The following CDC42BPB variants were observed in gnomAD, a reference collection of about 807,000 sequenced individuals.
CDC42BPB encodes the protein serine/threonine-protein kinase MRCK beta.
Under a neutral mutation model 214.9 loss-of-function variants are expected in CDC42BPB, and 37 were observed. That is an observed-to-expected ratio of 0.17 (90% CI 0.13 to 0.23). The LOEUF is 0.23. CDC42BPB is among the 10% of genes least tolerant of loss of function. The pLI, the probability that CDC42BPB is intolerant of heterozygous loss-of-function variation, is 1.00. For missense variants in CDC42BPB, 1,694 were observed against 2,227.0 expected (o/e 0.76, Z 4.82); for synonymous variants, 931 against 884.0 (o/e 1.05, Z -0.94).
chr14:103,044,649 G>A (rs1452886297), intron 1 of CDC42BPB, among the ~76,000 whole-genome samples: 4 of 151,882 alleles, frequency 2.6e-5, no homozygotes, highest in Non-Finnish European at 5.9e-5. Flanking sequence ...GATTACGGGC[G>A]TGAGCCACCA....
chr14:102,936,067 C>T (rs1231528231), intron 36 of CDC42BPB, among the ~76,000 whole-genome samples: 1 of 152,178 alleles, frequency 6.6e-6, no homozygotes, highest in Non-Finnish European at 1.5e-5. Context: ...TTCATAGCCA[C>T]CAGGACGACT....
chr14:103,044,121 G>C (rs1397746522), intron 1 of CDC42BPB, among the ~76,000 whole-genome samples: 1 of 152,142 alleles, frequency 6.6e-6, no homozygotes, highest in Non-Finnish European at 1.5e-5. Context: ...TCATTTTAAA[G>C]GTACATCAGA....
At position 102,946,566 on chromosome 14, in the gene CDC42BPB, T is replaced by A. The variant is rs1187897758; in HGVS notation, c.3650A>T (p.His1217Leu). 6.2e-7 allele frequency: 1 copy of A among 1,612,842 alleles called. No homozygotes were observed. The highest frequency in any genetic ancestry group is 1.6e-4 in the Middle Eastern group (1 of 6,062). ...GILEGLQSIL[H>L]KNRLRNQVVH... ...GACCTGATTCCTCAGCCGGTTTTTATGAAGGATGGACTGGAGTCCTTCTAG... is the reference window on the plus strand; with the variant it reads ...GACCTGATTCCTCAGCCGGTTTTTAAGAAGGATGGACTGGAGTCCTTCTAG... The change falls in exon 28 of 37, where the codon CAT becomes CTT. Residue 1217 changes from histidine (H) to leucine (L), a missense_variant. Physicochemically the swap from His to Leu is moderately conservative, Grantham distance 99 (BLOSUM62 -3). Transcript: ENST00000361246.
At chr14:103,052,498 C>T (rs905887579) in intron 1 of CDC42BPB, among the ~76,000 whole-genome samples, 5 of 152,114 alleles carry the variant, frequency 3.3e-5, no homozygotes, top group African/African-American at 4.8e-5. Flanking sequence ...TTATTAAATT[C>T]GGTGGCATCA....
At chr14:102,999,874 C>T (rs1457311838) in intron 4 of CDC42BPB, 161 bp from the exon 5 acceptor site, 7 of 985,420 alleles carry the variant, frequency 7.1e-6, no homozygotes, top group Middle Eastern at 5.2e-4. Flanking sequence ...CTGGAACATG[C>T]GCCCCGATGC....
At chr14:102,971,592 G>A (rs1024753606) in intron 13 of CDC42BPB, among the ~76,000 whole-genome samples, 2 of 152,222 alleles carry the variant, frequency 1.3e-5, no homozygotes, top group Non-Finnish European at 2.9e-5. Flanking sequence ...TGCCCGGCCC[G>A]TGATTTGCCT....
At chr14:103,019,920 G>C (rs149882365) in intron 1 of CDC42BPB, among the ~76,000 whole-genome samples, 30 of 152,326 alleles carry the variant, frequency 2.0e-4, no homozygotes, top group Non-Finnish European at 3.5e-4. Context: ...TTGCCAAGAA[G>C]AACTGCAGGC....
intron 1 of CDC42BPB, among the ~76,000 whole-genome samples, chr14:103,043,987 C>T (rs1259556330): frequency 6.6e-6 from 1 of 152,142 alleles, no homozygotes; most frequent in Non-Finnish European, 1.5e-5. Context: ...TGTTATGACA[C>T]AGTATAATAT....
Position 102,947,806 on chromosome 14 carries a change from G to T in CDC42BPB, c.3450-4C>A, listed in dbSNP as rs1892251040. The T allele has an allele frequency of 1.7e-5, 27 of 1,612,326 alleles. No homozygotes were observed. Among genetic ancestry groups the T allele is most frequent in the Non-Finnish European group, 2.3e-5 (27 of 1,179,788 alleles). On this transcript the variant is annotated splice_polypyrimidine_tract_variant and splice_region_variant and intron_variant, in intron 26 of 36. Coordinates refer to ENST00000361246, the MANE Select transcript of CDC42BPB (RefSeq NM_006035.4). ...GCTCACGGAAAACTCGTCATCTCTG[G>T]TAAGGAAGAAACATTGACCCCGCTG...
intron 1 of CDC42BPB, among the ~76,000 whole-genome samples, chr14:103,012,717 A>G (rs1178211569): frequency 1.3e-5 from 2 of 152,104 alleles, no homozygotes; most frequent in Non-Finnish European, 2.9e-5. Context: ...ACACAAGAGA[A>G]TCGTTTGAAC....
At chr14:103,038,357 A>G (rs182867393) in intron 1 of CDC42BPB, among the ~76,000 whole-genome samples, 2 of 151,498 alleles carry the variant, frequency 1.3e-5, no homozygotes, top group East Asian at 3.9e-4. Flanking sequence ...AAAAAAAAAA[A>G]CCAAAACAAC....
At chr14:103,023,168 AT>A (rs35470028) in intron 1 of CDC42BPB, among the ~76,000 whole-genome samples, 214 of 129,110 alleles carry the variant, frequency 1.7e-3, no homozygotes, top group South Asian at 8.1e-3. Flanking sequence ...CATGTGGCTA[AT>A]TTTTTTTTTT....
At chr14:103,026,222 C>A (rs776644972) in intron 1 of CDC42BPB, among the ~76,000 whole-genome samples, 8 of 151,818 alleles carry the variant, frequency 5.3e-5, no homozygotes, top group Admixed American at 1.3e-4. Flanking sequence ...ATGGTGAAAC[C>A]CCGTCTCTAC....
intron 1 of CDC42BPB, among the ~76,000 whole-genome samples, chr14:103,041,307 T>C (rs1001682142): frequency 1.3e-5 from 2 of 152,064 alleles, no homozygotes; most frequent in African/African-American, 4.8e-5. Flanking sequence ...ACGTAAATGC[T>C]AAAACTAAAA....
intron 1 of CDC42BPB, among the ~76,000 whole-genome samples, chr14:103,048,604 G>T (rs554123226): frequency 1.4e-5 from 2 of 146,854 alleles, no homozygotes; most frequent in South Asian, 4.3e-4. Flanking sequence ...CCAGCTACTC[G>T]AGAGGCTCAG....
intron 1 of CDC42BPB, among the ~76,000 whole-genome samples, chr14:103,047,021 A>C (rs1376858690): frequency 6.6e-6 from 1 of 151,448 alleles, no homozygotes; most frequent in Non-Finnish European, 1.5e-5. Flanking sequence ...GCGGCAGCTC[A>C]TGCCTATAAT....
At chr14:103,043,394 T>A (rs1888118052) in intron 1 of CDC42BPB, among the ~76,000 whole-genome samples, 1 of 152,192 alleles carries the variant, frequency 6.6e-6, no homozygotes, top group Non-Finnish European at 1.5e-5. Context: ...CAACATGGGA[T>A]GAACCTTGAC....
chr14:103,008,517 A>G lies in CDC42BPB; in HGVS notation c.306T>C (p.Tyr102=). ...VVKMKNTERI[Y]AMKILNKWEM... is the part of the protein sequence containing the mutation. ...CCCACTTGTTGAGGATTTTCATTGC[A>G]TAAATTCGTTCAGTATTCTTCATTT... Residue 102 remains tyrosine, a synonymous_variant, in exon 3 of 37, where the codon TAT becomes TAC. Transcript: ENST00000361246. The G allele has an allele frequency of 6.2e-7, 1 of 1,612,944 alleles. No individual in the cohort carries two copies. Among genetic ancestry groups the G allele is most frequent in the Non-Finnish European group, 8.5e-7 (1 of 1,178,844 alleles).
At chr14:102,934,728 C>T (rs988043050) in intron 36 of CDC42BPB, among the ~76,000 whole-genome samples, 2 of 151,766 alleles carry the variant, frequency 1.3e-5, no homozygotes, top group South Asian at 2.1e-4. Flanking sequence ...AGATCAGCCA[C>T]GGGCCGGGTG....
Sources: allele counts gnomAD v4.1 joint callset (sites outside exome capture counted in the v4.1 genomes callset), GRCh38; gene constraint gnomAD v4.1.1; transcripts MANE v1.5; gene names NCBI Gene and HGNC (gene_info 2026-07-23, HGNC 2026-07-21).